The following ARHGAP22 variants were observed in gnomAD, a reference collection of about 807,000 sequenced individuals.
The protein encoded by ARHGAP22 is Rho GTPase activating protein 22.
In ARHGAP22, 48 loss-of-function variants were observed where a neutral mutation model predicts 59.1. The ratio of observed to expected loss-of-function variants is 0.81; its 90% CI spans 0.64 to 1.03. ARHGAP22 has a LOEUF of 1.03. Among genes scored for constraint, ARHGAP22 ranks in the 50% least tolerant of loss-of-function variants. The pLI is 0.00. For synonymous variants in ARHGAP22, 445 were observed against 416.4 expected, an observed-to-expected ratio of 1.07 and a Z score of -0.84; for missense variants, 1,015 against 958.7, an observed-to-expected ratio of 1.06 and a Z score of -0.78.
intron 2 of ARHGAP22, among the ~76,000 whole-genome samples, chr10:48,572,253 T>A (rs1390722821): frequency 6.6e-6 from 1 of 152,016 alleles, no homozygotes; most frequent in African/African-American, 2.4e-5. Context: ...CTGCCACAGG[T>A]TTTTCTTTTT....
At chr10:48,509,826 A>C (rs1457573872) in intron 3 of ARHGAP22, among the ~76,000 whole-genome samples, 1 of 152,172 alleles carries the variant, frequency 6.6e-6, no homozygotes, top group African/African-American at 2.4e-5. Context: ...GTCATGGAGG[A>C]GGGGGCACAG....
chr10:48,450,270 C>G lies in ARHGAP22; in HGVS notation c.1859G>C (p.Ser620Thr). The change falls in exon 9 of 10, where the codon AGT (serine) becomes ACT (threonine). Residue 620 changes from serine (S) to threonine (T), a missense_variant. Coordinates refer to ENST00000249601, the MANE Select transcript of ARHGAP22 (RefSeq NM_021226.4). ...CGGGGCAGCAAGTTACCTTTTCACA[C>G]TCCTCTCGTACTCAGTCCGCTGGCG... ...LCRQRTEYER[S>T]VKRIEEGSAD... The G allele has an allele frequency of 6.2e-7, 1 of 1,609,648 alleles. No individual in the cohort carries two copies. Among genetic ancestry groups the G allele is most frequent in the South Asian group, 1.1e-5 (1 of 90,264 alleles).
At chr10:48,650,847 C>A (rs1162049384) in intron 1 of ARHGAP22, among the ~76,000 whole-genome samples, 1 of 152,174 alleles carries the variant, frequency 6.6e-6, no homozygotes, top group Admixed American at 6.5e-5. Context: ...CAGCTGCTCC[C>A]CCACCCCCTA....
intron 3 of ARHGAP22, among the ~76,000 whole-genome samples, chr10:48,527,765 C>T (rs770506948): frequency 1.3e-5 from 2 of 152,194 alleles, no homozygotes; most frequent in Non-Finnish European, 2.9e-5. Flanking sequence ...TAGAATTTAG[C>T]CAAAACATCA....
chr10:48,512,290 A>G (rs1359593768), intron 3 of ARHGAP22, among the ~76,000 whole-genome samples: 1 of 152,218 alleles, frequency 6.6e-6, no homozygotes, highest in South Asian at 2.1e-4. Context: ...CAGATACAAG[A>G]GCGCAGGCTC....
chr10:48,436,061 A>G, the ARHGAP22 span: 3 of 152,200 alleles, frequency 2.0e-5, no homozygotes, highest in South Asian at 2.1e-4. Context: ...ATTTGATTCT[A>G]CTTGTAGCAT....
At chr10:48,441,048 A>G (rs1564645823), downstream of ARHGAP22, among the ~76,000 whole-genome samples, 5 of 152,362 alleles carry the variant, frequency 3.3e-5, no homozygotes, top group South Asian at 8.3e-4. Flanking sequence ...TGAAATGTCC[A>G]TGACAGAATG....
intron 2 of ARHGAP22, among the ~76,000 whole-genome samples, chr10:48,560,456 G>A (rs1350964052): frequency 6.6e-6 from 1 of 152,130 alleles, no homozygotes; most frequent in Non-Finnish European, 1.5e-5. Flanking sequence ...TATGGATACA[G>A]TTTTACTTCT....
At position 48,453,497 on chromosome 10, in the gene ARHGAP22, C is replaced by T. The variant is rs895083017; in HGVS notation, c.867-72G>A. 8.3e-5 allele frequency: 133 copies of T among 1,596,562 alleles called. No individual in the cohort carries two copies. In the Admixed American group the frequency reaches 1.1e-3, roughly 13 times the overall value. On this transcript the variant is annotated intron_variant, in intron 7 of 9. Coordinates refer to ENST00000249601, the MANE Select transcript of ARHGAP22 (RefSeq NM_021226.4). ...CCCAGTCTCCTGTGTGCGGCCTGGA[C>T]GCACCGCCACACCCCTGCTGAGCCC...
intron 1 of ARHGAP22, among the ~76,000 whole-genome samples, chr10:48,600,372 T>C (rs1174310313): frequency 6.6e-6 from 1 of 152,050 alleles, no homozygotes; most frequent in Admixed American, 6.6e-5. Flanking sequence ...CGAGCCAGGG[T>C]GACTGGGAAG....
rs989981152 is a variant in ARHGAP22 at position 48,455,018 on chromosome 10, G to C, written c.776C>G (p.Thr259Ser). The C allele has an allele frequency of 6.2e-7, 1 of 1,605,384 alleles. No homozygotes were observed. Among genetic ancestry groups the C allele is most frequent in the Admixed American group, 1.7e-5 (1 of 59,712 alleles). Residue 259 changes from threonine (T) to serine (S), a missense_variant, in exon 6 of 10, where the codon ACC (threonine) becomes AGC (serine). Thr to Ser is a moderately conservative substitution (Grantham distance 58). Transcript: ENST00000249601. ...GCCACTGACCTCCCCCTCGTCCTTG[G>C]TGAGCAGCTGGGCGCAGCTGAGGAA... ...EDFLSCAQLLTKDEGEGTLEL... is the reference protein window; with the variant it reads ...EDFLSCAQLLSKDEGEGTLEL...
At chr10:48,586,770 C>T (rs1274115725) in intron 1 of ARHGAP22, among the ~76,000 whole-genome samples, 9 of 152,306 alleles carry the variant, frequency 5.9e-5, no homozygotes, top group Middle Eastern at 3.4e-3. Context: ...CATCTTTGCA[C>T]GGGCTTCTAC....
chr10:48,435,683 A>G, the ARHGAP22 span: 2 of 152,224 alleles, frequency 1.3e-5, no homozygotes, highest in Non-Finnish European at 2.9e-5. Context: ...TGGCAGAATA[A>G]CTCAGAGCAT....
chr10:48,438,852 A>G, the ARHGAP22 span: 14 of 152,370 alleles, frequency 9.2e-5, no homozygotes, highest in South Asian at 2.9e-3. Context: ...TTTTGTAAGT[A>G]GAAACCTGCT....
In ARHGAP22 at chr10:48,451,317, G is replaced by GGCAGGACAGCAGGATGGGGCC. The variant is rs547108740; in HGVS notation, c.989-198_989-178dup. 144 of 877,328 alleles carry GGCAGGACAGCAGGATGGGGCC rather than the reference G, an allele frequency of 1.6e-4. No individual in the cohort carries two copies. In the African/African-American group the frequency reaches 2.2e-3, roughly 13 times the overall value. The allele number at this position is 877,328 out of a possible 1,614,324, so 54.3% of individuals were successfully genotyped here. ...AAGGACCACACACCCTCCAACTCCA[G>GGCAGGACAGCAGGATGGGGCC]GCAGGACAGCAGGATGGGGCCGCAG... On this transcript the variant is annotated intron_variant, in intron 8 of 9. Transcript: ENST00000249601.
At chr10:48,602,937 T>A (rs1349212585) in intron 1 of ARHGAP22, among the ~76,000 whole-genome samples, 2 of 152,134 alleles carry the variant, frequency 1.3e-5, no homozygotes, top group Non-Finnish European at 2.9e-5. Context: ...TGTGTGTGTA[T>A]GTTTGTATGC....
At chr10:48,476,223 G>A (rs984088624) in intron 4 of ARHGAP22, among the ~76,000 whole-genome samples, 2 of 152,232 alleles carry the variant, frequency 1.3e-5, no homozygotes, top group African/African-American at 4.8e-5. Context: ...ATGACCAGAT[G>A]AATTCCCAAA....
At chr10:48,606,619 G>A (rs1334996381), upstream of ARHGAP22, among the ~76,000 whole-genome samples, 3 of 152,196 alleles carry the variant, frequency 2.0e-5, no homozygotes, top group African/African-American at 7.2e-5. Context: ...CTTTGCACAT[G>A]CCTTGCTCCT....
rs115257737 is a variant in ARHGAP22, at chr10:48,598,272, C to G, written c.34+6491G>C. On this transcript the variant is annotated intron_variant, in intron 1 of 9. Coordinates refer to ENST00000249601, the MANE Select transcript of ARHGAP22 (RefSeq NM_021226.4). ...AGAGGCTTGAGTTTGCAGCGCCCCT[C>G]TTCTGGGTACAAACAGCCACCTTCA... 3.3e-3 allele frequency among the ~76,000 whole-genome samples: 504 copies of G among 152,310 alleles called. 4 individuals carry two copies. The highest frequency in any genetic ancestry group is 0.011 in the African/African-American group (469 of 41,578).
Sources: gnomAD v4.1 joint callset for allele counts (sites outside exome capture counted in the v4.1 genomes callset) on GRCh38, gnomAD v4.1.1 for gene constraint, MANE v1.5 for transcripts, NCBI Gene and HGNC (gene_info 2026-07-23, HGNC 2026-07-21) for gene names.